Variants in LHFPL3 observed in about 807,000 individuals in gnomAD.
LHFPL3 encodes LHFPL tetraspan subfamily member 3 protein.
Under a neutral mutation model 19.3 loss-of-function variants are expected in LHFPL3, and 5 were observed. The ratio of observed to expected loss-of-function variants is 0.26; its 90% CI spans 0.14 to 0.54. The LOEUF (loss-of-function observed/expected upper bound fraction) is 0.54. LHFPL3 is among the 20% of genes least tolerant of loss of function. The probability of loss-of-function intolerance (pLI) is 0.94; values close to 1 mark genes in which losing one functional copy is unlikely to be tolerated. For synonymous variants in LHFPL3, 133 were observed against 126.2 expected, an observed-to-expected ratio of 1.05 and a Z score of -0.36; for missense variants, 249 against 307.4, an observed-to-expected ratio of 0.81 and a Z score of 1.42.
intron 1 of LHFPL3, among the ~76,000 whole-genome samples, chr7:104,538,617 T>G (rs1794430596): frequency 6.6e-6 from 1 of 152,242 alleles, no homozygotes; most frequent in Admixed American, 6.5e-5. Flanking sequence ...TGCCCAGACA[T>G]GGGTTAAAAT....
At chr7:104,813,373 A>G (rs1790510846) in intron 2 of LHFPL3, among the ~76,000 whole-genome samples, 2 of 152,240 alleles carry the variant, frequency 1.3e-5, no homozygotes, top group African/African-American at 2.4e-5. Flanking sequence ...GGTAACCTCA[A>G]AAAGAAAGCC....
At chr7:104,651,768 C>T (rs1186130351) in intron 1 of LHFPL3, among the ~76,000 whole-genome samples, 1 of 152,182 alleles carries the variant, frequency 6.6e-6, no homozygotes, top group Non-Finnish European at 1.5e-5. Context: ...CACATCAGAG[C>T]GTGTGCCCTG....
At chr7:104,375,797 A>G (rs977511261) in intron 1 of LHFPL3, among the ~76,000 whole-genome samples, 3 of 152,082 alleles carry the variant, frequency 2.0e-5, no homozygotes, top group African/African-American at 7.2e-5. Flanking sequence ...CTGGGCTACT[A>G]TTTCTCTTTA....
intron 1 of LHFPL3, among the ~76,000 whole-genome samples, chr7:104,671,608 T>C (rs544256491): frequency 1.4e-4 from 21 of 145,348 alleles, no homozygotes; most frequent in African/African-American, 5.3e-4. Flanking sequence ...AAGGAAAAAA[T>C]ACAGACTTTT....
intron 2 of LHFPL3, among the ~76,000 whole-genome samples, chr7:104,896,413 G>A (rs1792362037): frequency 6.6e-6 from 1 of 152,228 alleles, no homozygotes; most frequent in Admixed American, 6.5e-5. Context: ...GATGGGTGAA[G>A]TGGCCCTTGC....
intron 2 of LHFPL3, among the ~76,000 whole-genome samples, chr7:104,765,118 G>A (rs1794433795): frequency 6.6e-6 from 1 of 152,206 alleles, no homozygotes; most frequent in Non-Finnish European, 1.5e-5. Context: ...TTTGTTGTTT[G>A]ATGAAGTAAT....
At chr7:104,424,727 C>T (rs1467821310) in intron 1 of LHFPL3, among the ~76,000 whole-genome samples, 1 of 152,026 alleles carries the variant, frequency 6.6e-6, no homozygotes, top group African/African-American at 2.4e-5. Flanking sequence ...CGCGGTGGCT[C>T]ACGCCTGTAA....
chr7:104,552,045 C>T (rs1794670896), intron 1 of LHFPL3, among the ~76,000 whole-genome samples: 1 of 152,136 alleles, frequency 6.6e-6, no homozygotes, highest in Non-Finnish European at 1.5e-5. Context: ...TGGCTGGGTT[C>T]GATTTCATAC....
At chr7:104,387,995 A>G (rs561213098) in intron 1 of LHFPL3, among the ~76,000 whole-genome samples, 7 of 152,174 alleles carry the variant, frequency 4.6e-5, no homozygotes, top group Middle Eastern at 6.8e-3. Context: ...CTTTGTGTCC[A>G]TATGTACTCA....
At chr7:104,686,591 T>C (rs1417993624) in intron 1 of LHFPL3, among the ~76,000 whole-genome samples, 1 of 152,126 alleles carries the variant, frequency 6.6e-6, no homozygotes, top group East Asian at 1.9e-4. Flanking sequence ...TTCACCCAAT[T>C]CTGACGCTGT....
chr7:104,439,246 T>G (rs1217761551), intron 1 of LHFPL3, among the ~76,000 whole-genome samples: 1 of 152,110 alleles, frequency 6.6e-6, no homozygotes, highest in Non-Finnish European at 1.5e-5. Flanking sequence ...TGCCCAGCCC[T>G]ACAAACTCTT....
intron 1 of LHFPL3, among the ~76,000 whole-genome samples, chr7:104,540,783 G>A (rs1407878442): frequency 1.3e-5 from 2 of 152,034 alleles, no homozygotes. Context: ...TCAGTCAATG[G>A]CCAACACCAG....
intron 1 of LHFPL3, among the ~76,000 whole-genome samples, chr7:104,703,096 T>G (rs1793131774): frequency 6.6e-6 from 1 of 152,234 alleles, no homozygotes; most frequent in Admixed American, 6.5e-5. Context: ...CCAAATCTTT[T>G]GTGGTGGTTG....
intron 1 of LHFPL3, among the ~76,000 whole-genome samples, chr7:104,559,353 C>T (rs943522751): frequency 7.5e-4 from 113 of 150,542 alleles, no homozygotes; most frequent in African/African-American, 2.4e-3. Context: ...TCTTTTATTT[C>T]GTTGAGCAGT....
At chr7:104,783,100 C>T (rs1789844578) in intron 2 of LHFPL3, among the ~76,000 whole-genome samples, 1 of 152,258 alleles carries the variant, frequency 6.6e-6, no homozygotes, top group Non-Finnish European at 1.5e-5. Context: ...TCAGGCCCAA[C>T]TTCAGACTAG....
intron 1 of LHFPL3, among the ~76,000 whole-genome samples, chr7:104,625,512 A>G (rs765506685): frequency 4.6e-5 from 7 of 152,214 alleles, no homozygotes; most frequent in African/African-American, 1.2e-4. Context: ...GGTATTTTCT[A>G]TCTTCAGAGT....
intron 1 of LHFPL3, among the ~76,000 whole-genome samples, chr7:104,388,819 ACCCCCTT>A (rs1177851442): frequency 1.0e-5 from 1 of 99,846 alleles, no homozygotes; most frequent in African/African-American, 5.7e-5. Flanking sequence ...ACAAAATATA[ACCCCCTT>A]TTATGGTGGA....
chr7:104,841,392 C>A (rs1791200829), intron 2 of LHFPL3, among the ~76,000 whole-genome samples: 1 of 151,864 alleles, frequency 6.6e-6, no homozygotes, highest in African/African-American at 2.4e-5. Flanking sequence ...ATCCTAGGAG[C>A]ATGGATAAGG....
chr7:104,402,088 T>TA (rs11406584), intron 1 of LHFPL3, among the ~76,000 whole-genome samples: 9,055 of 132,232 alleles, frequency 0.068, 283 homozygotes, highest in African/African-American at 0.088. Context: ...CCGTATAAAC[T>TA]AAAAAAAAAA....
Sources: allele counts gnomAD v4.1 joint callset (sites outside exome capture counted in the v4.1 genomes callset), GRCh38; gene constraint gnomAD v4.1.1; transcripts MANE v1.5; gene names NCBI Gene and HGNC (gene_info 2026-07-23, HGNC 2026-07-21).